Variants in ZNF827 observed in about 807,000 individuals in gnomAD.
ZNF827 encodes zinc finger protein 827.
ZNF827 carries 13 observed loss-of-function variants against 102.4 expected under a neutral mutation model. The ratio of observed to expected loss-of-function variants is 0.13; its 90% confidence interval spans 0.08 to 0.20. The LOEUF (loss-of-function observed/expected upper bound fraction) is 0.20. Ranked by LOEUF, ZNF827 falls within the 10% of genes least tolerant of loss-of-function variation. The pLI is 1.00. For synonymous variants in ZNF827, 523 were observed against 536.2 expected (o/e 0.98, Z 0.34); for missense variants, 1,103 against 1,344.4 (o/e 0.82, Z 2.81).
In ZNF827 at chr4:145,870,356, A is replaced by G. The variant is rs760851909; in HGVS notation, c.1870T>C (p.Ser624Pro). The change falls in exon 5 of 15, where the codon TCA becomes CCA. Residue 624 changes from serine to proline, a missense_variant. Ser to Pro is a moderately conservative substitution (Grantham distance 74). Transcript: ENST00000508784. ...GCGTCCTCAGAGACGCCTGGGGCTGACACTTCAGATTCCGGGCTGAACACA... is the reference window on the plus strand; with the variant it reads ...GCGTCCTCAGAGACGCCTGGGGCTGGCACTTCAGATTCCGGGCTGAACACA... The part of the protein sequence containing the change: ...SYVFSPESEV[S>P]APGVSEDALK... The G allele has an allele frequency of 8.1e-6, 13 of 1,614,052 alleles. No homozygotes were observed. The East Asian group carries it at 2.9e-4, about 36-fold the overall frequency.
chr4:145,813,345 T>A (rs184358686), intron 8 of ZNF827, among the ~76,000 whole-genome samples: 1 of 152,236 alleles, frequency 6.6e-6, no homozygotes, highest in Non-Finnish European at 1.5e-5. Flanking sequence ...ACTTTTATTA[T>A]AGTATGTTGT....
intron 1 of ZNF827, among the ~76,000 whole-genome samples, chr4:145,917,700 C>CAAAAAAAAAAAAAA (rs763617063): frequency 1.3e-4 from 6 of 46,844 alleles, no homozygotes; most frequent in East Asian, 8.5e-4. Context: ...GGTAGCTGGT[C>CAAAAAAAAAAAAAA]AAAAAAAAAA....
chr4:145,805,801 C>T (rs1242882381), intron 8 of ZNF827, among the ~76,000 whole-genome samples: 1 of 152,080 alleles, frequency 6.6e-6, no homozygotes, highest in African/African-American at 2.4e-5. Context: ...CGGTCAAGCT[C>T]ACCCTGACGT....
At chr4:145,859,222 AG>A (rs1441633484) in intron 5 of ZNF827, among the ~76,000 whole-genome samples, 6 of 152,194 alleles carry the variant, frequency 3.9e-5, no homozygotes, top group Non-Finnish European at 7.3e-5. Flanking sequence ...GGCTCCATGC[AG>A]GTGAGGTCCT....
At chr4:145,827,301 A>C (rs1175832810) in intron 7 of ZNF827, among the ~76,000 whole-genome samples, 2 of 152,212 alleles carry the variant, frequency 1.3e-5, no homozygotes, top group Non-Finnish European at 2.9e-5. Context: ...GAAAAGGAAG[A>C]GATAGAGAAG....
rs1734776963 is a variant in ZNF827, at chr4:145,763,067, C to G, written c.*17+23G>C. On this transcript the variant is annotated intron_variant, in intron 14 of 14. Coordinates refer to ENST00000508784, the MANE Select transcript of ZNF827 (RefSeq NM_001306215.2). This position sits in a 1 kb window ranked among gnomAD's most constrained non-coding sequence, Gnocchi z 4.6. ...TTCCCAGGTCAGGTGCACACACAAC[C>G]CCTACGCCAAGCTGGGCCTTACCTA... 5.9e-6 allele frequency: 9 copies of G among 1,535,278 alleles called. No homozygotes were observed. In the East Asian group the frequency reaches 2.2e-4, roughly 38 times the overall value.
chr4:145,897,976 G>A (rs1751108095), intron 2 of ZNF827, among the ~76,000 whole-genome samples: 2 of 152,050 alleles, frequency 1.3e-5, no homozygotes, highest in African/African-American at 2.4e-5. Flanking sequence ...CTAACATGGC[G>A]AAACCCCATC....
intron 2 of ZNF827, among the ~76,000 whole-genome samples, chr4:145,896,624 G>A (rs916655133): frequency 7.2e-5 from 11 of 152,160 alleles, no homozygotes; most frequent in Non-Finnish European, 5.9e-5. Context: ...AGGAAAAGAC[G>A]CAGGAGGCTG....
At chr4:145,774,125 GATA>G (rs1256086095) in intron 11 of ZNF827, among the ~76,000 whole-genome samples, 1 of 152,144 alleles carries the variant, frequency 6.6e-6, no homozygotes, top group African/African-American at 2.4e-5. Context: ...TGTACAGTGT[GATA>G]ATAATAGTAT....
At chr4:145,865,220 T>C (rs374270280) in intron 5 of ZNF827, among the ~76,000 whole-genome samples, 1 of 152,196 alleles carries the variant, frequency 6.6e-6, no homozygotes, top group African/African-American at 2.4e-5. Flanking sequence ...CTTGATTTAT[T>C]AGGTACATGT....
chr4:145,827,613 C>T (rs1034855458), intron 7 of ZNF827, among the ~76,000 whole-genome samples: 1 of 152,134 alleles, frequency 6.6e-6, no homozygotes, highest in African/African-American at 2.4e-5. Flanking sequence ...GCTTCTATTT[C>T]GCCAAAGCTG....
Position 145,774,648 on chromosome 4 carries a change from G to A in ZNF827, c.2718C>T (p.Thr906=), listed in dbSNP as rs35479210. The A allele has an allele frequency of 1.9e-4, 307 of 1,613,714 alleles. No individual in the cohort carries two copies. In the Middle Eastern group the frequency reaches 2.1e-3, roughly 11 times the overall value. ...GGCTGACAAACTGGACATTGAGCTCGGTCTCAAATCCACACACGTGACAAC... is the reference window on the plus strand; with the variant it reads ...GGCTGACAAACTGGACATTGAGCTCAGTCTCAAATCCACACACGTGACAAC... ...YYSCHVCGFE[T]ELNVQFVSHM... The change falls in exon 11 of 15, where the codon ACC becomes ACT. Residue 906 remains threonine (T), a synonymous_variant. Transcript: ENST00000508784.
intron 5 of ZNF827, among the ~76,000 whole-genome samples, chr4:145,863,873 T>C (rs1747946993): frequency 6.6e-6 from 1 of 152,124 alleles, no homozygotes. Context: ...TTTGAATGGG[T>C]AAATTTTATG....
At chr4:145,835,627 C>A (rs547036101) in intron 7 of ZNF827, among the ~76,000 whole-genome samples, 1,502 of 149,898 alleles carry the variant, frequency 0.01, 29 homozygotes, top group African/African-American at 0.034. Context: ...TGTATCCCCC[C>A]ACCTTAACCC....
chr4:145,805,821 G>A (rs1741372799), intron 8 of ZNF827, among the ~76,000 whole-genome samples: 1 of 151,970 alleles, frequency 6.6e-6, no homozygotes, highest in African/African-American at 2.4e-5. Flanking sequence ...TCAGGGCCTT[G>A]TTGCTCCCTT....
chr4:145,873,262 G>A (rs1240715746), intron 4 of ZNF827, among the ~76,000 whole-genome samples: 1 of 152,122 alleles, frequency 6.6e-6, no homozygotes, highest in East Asian at 1.9e-4. Context: ...ACACTGATGT[G>A]TCTCAAGTAC....
At chr4:145,770,578 T>C (rs926881877) in intron 11 of ZNF827, among the ~76,000 whole-genome samples, 10 of 151,536 alleles carry the variant, frequency 6.6e-5, no homozygotes, top group Non-Finnish European at 1.2e-4. Flanking sequence ...ATTATTCTAT[T>C]ATAAAACATA....
At position 145,764,076 on chromosome 4, in the gene ZNF827, G is replaced by A. The variant is rs192641936; in HGVS notation, c.3230+912C>T. Among the ~76,000 whole-genome samples the A allele has an allele frequency of 4.1e-3, 620 of 152,260 alleles. 2 individuals carry two copies. The highest frequency in any genetic ancestry group is 4.9e-3 in the Non-Finnish European group (336 of 68,020). ...CTGGCAGGTTGTGCGTTTCAATGAC[G>A]AACATGTTTTAAAACAAAAGGTTTT... On this transcript the variant is annotated intron_variant, in intron 13 of 14. Transcript: ENST00000508784.
At chr4:145,789,844 A>C (rs1356587997) in intron 8 of ZNF827, among the ~76,000 whole-genome samples, 1 of 152,232 alleles carries the variant, frequency 6.6e-6, no homozygotes, top group Non-Finnish European at 1.5e-5. Context: ...AGAGAGCTTT[A>C]TTGAGGCAAC....
Sources: gnomAD v4.1 joint callset for allele counts (sites outside exome capture counted in the v4.1 genomes callset) on GRCh38, gnomAD v4.1.1 for gene constraint, Gnocchi (gnomAD v3.1) non-coding constraint, MANE v1.5 for transcripts, NCBI Gene and HGNC (gene_info 2026-07-23, HGNC 2026-07-21) for gene names.